Variants in ROBO1 observed in about 807,000 individuals in gnomAD.
ROBO1 encodes roundabout homolog 1.
In ROBO1, 149 loss-of-function variants were observed where a neutral mutation model predicts 195.9. The observed-to-expected ratio is 0.76, with a 90% CI of 0.67 to 0.87. The LOEUF (loss-of-function observed/expected upper bound fraction) is 0.87, where lower values mean the gene tolerates loss of function less well. Among genes scored for constraint, ROBO1 ranks in the 40% least tolerant of loss-of-function variants. The pLI, the probability that ROBO1 is intolerant of heterozygous loss-of-function variation, is 0.00. For synonymous variants in ROBO1, 816 were observed against 733.2 expected (o/e 1.11, Z -1.82); for missense variants, 1,933 against 2,068.3 (o/e 0.93, Z 1.27).
chr3:79,484,751 C>CTTTTTTTTTTTTTTTTTTTTTTTTTTT (rs1559932529), intron 2 of ROBO1, among the ~76,000 whole-genome samples: 1 of 20,658 alleles, frequency 4.8e-5, no homozygotes, highest in Non-Finnish European at 9.1e-5. Context: ...TATCATTGCA[C>CTTTTTTTTTTTTTTTTTTTTTTTTTTT]TATCTTTTTT....
chr3:79,751,569 G>T (rs17017119), intron 1 of ROBO1, among the ~76,000 whole-genome samples: 5,588 of 152,170 alleles, frequency 0.037, 351 homozygotes, highest in African/African-American at 0.13. Context: ...ACAGTATCCT[G>T]ATGTTTGTAT....
At position 79,620,511 on chromosome 3, in the gene ROBO1, C is replaced by T. The variant is rs1303043184; in HGVS notation, c.-50-30550G>A. On this transcript the variant is annotated intron_variant, in intron 1 of 30. Transcript: ENST00000464233. ...TAAAACTCCCCAACTCTGGTGCCAA[C>T]TTGGACAACATTCTTTTATACTCTC... 3.6e-5 allele frequency among the ~76,000 whole-genome samples: 5 copies of T among 138,220 alleles called. No homozygotes were observed. In the Admixed American group the frequency reaches 3.9e-4, roughly 11 times the overall value. The allele number at this position is 138,220 out of a possible 152,430, so 90.7% of individuals were successfully genotyped here. A position where few individuals can be genotyped will look rare whatever the true frequency, so the allele number is the denominator to read the frequency against.
rs747407745 is a variant in ROBO1, at chr3:78,634,576, A to G, written c.3374-534T>C. ...GTATAAACAATAAATCAGAGTTCTG[A>G]AATATTTGTGCGGAGGCTCTCAGGG... On this transcript the variant is annotated intron_variant, in intron 23 of 30. Coordinates refer to ENST00000464233, the MANE Select transcript of ROBO1 (RefSeq NM_002941.4). 2.9e-4 allele frequency: 82 copies of G among 281,878 alleles called. 1 individual carries two copies. The highest frequency in any genetic ancestry group is 5.6e-4 in the Non-Finnish European group (72 of 128,576). 17.5% of individuals were successfully genotyped at this position (281,878 alleles called of 1,614,324 possible).
chr3:79,653,791 G>A (rs1365165216), intron 1 of ROBO1, among the ~76,000 whole-genome samples: 3 of 151,832 alleles, frequency 2.0e-5, no homozygotes, highest in Admixed American at 6.6e-5. Flanking sequence ...TAATGTTGAC[G>A]CAAATGAAAT....
rs574011471 is a variant in ROBO1 at position 78,886,747 on chromosome 3, A to G, written c.499+51854T>C. 8.5e-5 allele frequency among the ~76,000 whole-genome samples: 13 copies of G among 152,230 alleles called. No individual in the cohort carries two copies. The South Asian group carries it at 2.5e-3, about 29-fold the overall frequency. On this transcript the variant is annotated intron_variant, in intron 4 of 30. Coordinates refer to ENST00000464233, the MANE Select transcript of ROBO1 (RefSeq NM_002941.4). ...CATAATGTGGAATATATGAAGCCCC[A>G]TTGAAATAATACATATTATATGATT...
rs116039117 is a variant in ROBO1, at chr3:79,758,417, A to T, written c.-51+9335T>A. ...AGTATTAGACAGTACAAGTTTAGATAAATACAGTGATATATTGTTGTCATC... is the reference window on the plus strand; with the variant it reads ...AGTATTAGACAGTACAAGTTTAGATTAATACAGTGATATATTGTTGTCATC... On this transcript the variant is annotated intron_variant, in intron 1 of 30. Coordinates refer to ENST00000464233, the MANE Select transcript of ROBO1 (RefSeq NM_002941.4). 6.1e-3 allele frequency among the ~76,000 whole-genome samples: 926 copies of T among 152,320 alleles called. 10 individuals carry two copies. Among genetic ancestry groups the T allele is most frequent in the African/African-American group, 0.021 (888 of 41,570 alleles).
intron 2 of ROBO1, among the ~76,000 whole-genome samples, chr3:79,188,138 G>A (rs1395363374): frequency 1.3e-5 from 2 of 151,938 alleles, no homozygotes; most frequent in African/African-American, 4.8e-5. Context: ...GATAAAGAGT[G>A]ACAAAATGTG....
In ROBO1 at chr3:79,704,175, A is replaced by G. The variant is rs529783332; in HGVS notation, c.-51+63577T>C. Among the ~76,000 whole-genome samples the G allele has an allele frequency of 2.0e-5, 3 of 152,086 alleles. No homozygotes were observed. The East Asian group carries it at 5.8e-4, about 29-fold the overall frequency. ...CTCCCGGATGATCAACATTCCCGCC[A>G]AAGTGGTACATTTGCTACAATATCA... On this transcript the variant is annotated intron_variant, in intron 1 of 30. Transcript: ENST00000464233.
intron 2 of ROBO1, among the ~76,000 whole-genome samples, chr3:79,403,642 T>C (rs2037444030): frequency 6.6e-6 from 1 of 152,020 alleles, no homozygotes; most frequent in Non-Finnish European, 1.5e-5. Flanking sequence ...TTTTTATGAG[T>C]TCAAATCACT....
rs149729286 is a variant in ROBO1 at position 79,669,443 on chromosome 3, C to T, written c.-50-79482G>A. Among the ~76,000 whole-genome samples the T allele has an allele frequency of 1.6e-4, 24 of 151,956 alleles. No homozygotes were observed. In the East Asian group the frequency reaches 4.3e-3, roughly 27 times the overall value. ...TGAGTAACACAATCGTAATGCAACA[C>T]ATTATGTTTCTTATGTTTAGATATG... On this transcript the variant is annotated intron_variant, in intron 1 of 30. Coordinates refer to ENST00000464233, the MANE Select transcript of ROBO1 (RefSeq NM_002941.4).
At chr3:79,069,577 T>C (rs2079054434) in intron 3 of ROBO1, among the ~76,000 whole-genome samples, 1 of 151,942 alleles carries the variant, frequency 6.6e-6, no homozygotes, top group Admixed American at 6.6e-5. Flanking sequence ...CAAAGTCCTA[T>C]AAAATTTGGC....
intron 1 of ROBO1, among the ~76,000 whole-genome samples, chr3:79,610,009 T>A (rs1279814125): frequency 6.6e-6 from 1 of 151,978 alleles, no homozygotes; most frequent in African/African-American, 2.4e-5. Context: ...AATTTTATGT[T>A]ATATATATTT....
At chr3:78,944,611 C>A (rs1435761313) in intron 3 of ROBO1, among the ~76,000 whole-genome samples, 1 of 152,260 alleles carries the variant, frequency 6.6e-6, no homozygotes, top group Non-Finnish European at 1.5e-5. Flanking sequence ...GTGATTTCTG[C>A]ATTTCCAACT....
chr3:79,714,042 G>A (rs1006325584), intron 1 of ROBO1, among the ~76,000 whole-genome samples: 7 of 152,008 alleles, frequency 4.6e-5, no homozygotes, highest in Non-Finnish European at 8.8e-5. Context: ...CCTCCAGTTT[G>A]TTCTTTTGGC....
chr3:79,414,471 A>G (rs1347393009), intron 2 of ROBO1, among the ~76,000 whole-genome samples: 3 of 152,188 alleles, frequency 2.0e-5, no homozygotes, highest in Non-Finnish European at 2.9e-5. Context: ...CAACCAGGTT[A>G]TCCTGGTTAT....
chr3:79,392,433 T>C (rs1351065932), intron 2 of ROBO1, among the ~76,000 whole-genome samples: 1 of 152,160 alleles, frequency 6.6e-6, no homozygotes, highest in Admixed American at 6.5e-5. Flanking sequence ...TAAAATTCTC[T>C]TGACGGCACC....
At chr3:79,337,681 T>A (rs1000811448) in intron 2 of ROBO1, among the ~76,000 whole-genome samples, 1 of 152,246 alleles carries the variant, frequency 6.6e-6, no homozygotes, top group African/African-American at 2.4e-5. Context: ...TGTATAGCTA[T>A]ACTTTATCAA....
chr3:78,657,299 T>C, intron 17 of ROBO1, 30 bp from the exon 18 acceptor site: 1 of 1,609,194 alleles, frequency 6.2e-7, no homozygotes. Flanking sequence ...AAAATCAAGC[T>C]GGTAAATTAC....
chr3:79,342,120 T>C (rs1466620614), intron 2 of ROBO1, among the ~76,000 whole-genome samples: 1 of 152,082 alleles, frequency 6.6e-6, no homozygotes, highest in Admixed American at 6.6e-5. Context: ...AGTCAGTCTG[T>C]AGTGGGAAAA....
Sources: gnomAD v4.1 joint callset for allele counts (sites outside exome capture counted in the v4.1 genomes callset) on GRCh38, gnomAD v4.1.1 for gene constraint, MANE v1.5 for transcripts, NCBI Gene and HGNC (gene_info 2026-07-23, HGNC 2026-07-21) for gene names.